The following SPATA6 variants were observed in gnomAD, a reference collection of about 807,000 sequenced individuals.
The protein encoded by SPATA6 is spermatogenesis associated 6.
SPATA6 carries 56 observed loss-of-function variants against 65.3 expected under a neutral mutation model. The observed-to-expected ratio is 0.86, with a 90% CI of 0.69 to 1.07. The LOEUF (loss-of-function observed/expected upper bound fraction) is 1.07. SPATA6 is among the 50% of genes least tolerant of loss of function. SPATA6 has a pLI of 0.00. For synonymous variants in SPATA6, 199 were observed against 213.2 expected (o/e 0.93, Z 0.58); for missense variants, 590 against 594.8 (o/e 0.99, Z 0.08).
intron 9 of SPATA6, among the ~76,000 whole-genome samples, chr1:48,364,403 T>A (rs1259535839): frequency 6.6e-6 from 1 of 152,222 alleles, no homozygotes; most frequent in East Asian, 1.9e-4. Context: ...GTTGAACTAG[T>A]TTACAGTCCC....
At chr1:48,456,401 G>A (rs1032192631) in intron 1 of SPATA6, among the ~76,000 whole-genome samples, 2 of 151,884 alleles carry the variant, frequency 1.3e-5, no homozygotes, top group Admixed American at 6.6e-5. Flanking sequence ...AGAAAGGGAG[G>A]GAGCTCTGAT....
chr1:48,437,005 C>T, intron 3 of SPATA6: 1 of 1,609,348 alleles, frequency 6.2e-7, no homozygotes, highest in Non-Finnish European at 8.5e-7. Flanking sequence ...TAGCTTGGTA[C>T]AGCTCTGTTT....
At chr1:48,417,018 C>G (rs551194342) in intron 3 of SPATA6, among the ~76,000 whole-genome samples, 2 of 152,250 alleles carry the variant, frequency 1.3e-5, no homozygotes, top group African/African-American at 4.8e-5. Context: ...TTAAAACTTT[C>G]CCTCTGAGAT....
intron 12 of SPATA6, among the ~76,000 whole-genome samples, chr1:48,302,918 C>T (rs754019620): frequency 1.3e-5 from 2 of 151,938 alleles, no homozygotes; most frequent in South Asian, 4.2e-4. Context: ...TGCTTGTTTG[C>T]CAACAAACCA....
At chr1:48,428,209 C>G (rs1654020709) in intron 3 of SPATA6, among the ~76,000 whole-genome samples, 1 of 152,158 alleles carries the variant, frequency 6.6e-6, no homozygotes, top group Non-Finnish European at 1.5e-5. Context: ...AATCCCAGCA[C>G]TTTGGGAGAC....
At chr1:48,437,802 A>ATTT (rs1655078137) in intron 3 of SPATA6, among the ~76,000 whole-genome samples, 1 of 139,530 alleles carries the variant, frequency 7.2e-6, no homozygotes, top group Non-Finnish European at 1.6e-5. Flanking sequence ...CTTTTTTTTA[A>ATTT]AAAAGGGGGC....
chr1:48,275,729 T>C, the SPATA6 span, among the ~76,000 whole-genome samples: 4 of 152,224 alleles, frequency 2.6e-5, no homozygotes, highest in Admixed American at 2.0e-4. Context: ...TCATGGCAGA[T>C]AAGCTTTTTG....
intron 9 of SPATA6, among the ~76,000 whole-genome samples, chr1:48,364,752 T>A (rs531460697): frequency 1.3e-5 from 2 of 152,342 alleles, no homozygotes; most frequent in East Asian, 3.9e-4. Flanking sequence ...GTAGGTTGCC[T>A]GTTCACTCTG....
intron 7 of SPATA6, among the ~76,000 whole-genome samples, chr1:48,395,779 T>C (rs1390367847): frequency 6.6e-6 from 1 of 151,934 alleles, no homozygotes; most frequent in African/African-American, 2.4e-5. Flanking sequence ...GAGCCCAGCA[T>C]GCTCAGTGAT....
At chr1:48,390,203 G>A (rs1054862689) in intron 8 of SPATA6, among the ~76,000 whole-genome samples, 14 of 152,200 alleles carry the variant, frequency 9.2e-5, no homozygotes, top group Admixed American at 7.8e-4. Flanking sequence ...AAAATGTTGT[G>A]TATATACACA....
intron 3 of SPATA6, among the ~76,000 whole-genome samples, chr1:48,450,910 A>T (rs1656507732): frequency 6.6e-6 from 1 of 152,176 alleles, no homozygotes; most frequent in Admixed American, 6.5e-5. Flanking sequence ...CAATCTGTTG[A>T]TCCCAGAGCC....
At chr1:48,318,352 T>C (rs1218327165) in intron 11 of SPATA6, among the ~76,000 whole-genome samples, 2 of 152,108 alleles carry the variant, frequency 1.3e-5, no homozygotes, top group Non-Finnish European at 2.9e-5. Context: ...TATTTGCAGA[T>C]AAGATGATTC....
At chr1:48,464,820 A>G (rs1199184348) in intron 1 of SPATA6, among the ~76,000 whole-genome samples, 5 of 152,160 alleles carry the variant, frequency 3.3e-5, no homozygotes, top group Non-Finnish European at 7.4e-5. Flanking sequence ...GGGTTCTGAT[A>G]ATATTCTAAT....
chr1:48,301,503 A>T (rs967036218), intron 12 of SPATA6, among the ~76,000 whole-genome samples: 7 of 150,778 alleles, frequency 4.6e-5, no homozygotes, highest in Non-Finnish European at 7.4e-5. Flanking sequence ...CAATAATAAT[A>T]AAAAAATCCT....
At chr1:48,443,797 C>CTA (rs1655745897) in intron 3 of SPATA6, among the ~76,000 whole-genome samples, 1 of 152,208 alleles carries the variant, frequency 6.6e-6, no homozygotes. Context: ...AGCCATCTTG[C>CTA]TATTACTCGC....
At chr1:48,346,522 A>G (rs1646370754) in intron 11 of SPATA6, among the ~76,000 whole-genome samples, 1 of 152,102 alleles carries the variant, frequency 6.6e-6, no homozygotes, top group South Asian at 2.1e-4. Context: ...AGGAAGTCAA[A>G]TCATCCCTGT....
chr1:48,385,336 A>G lies in SPATA6; in HGVS notation c.882T>C (p.Leu294=). 6.2e-7 allele frequency: 1 copy of G among 1,608,880 alleles called. No individual in the cohort carries two copies. The highest frequency in any genetic ancestry group is 1.7e-5 in the Admixed American group (1 of 58,742). ...WSRVHNDHSH[L]GCCRPKDYKV... is the part of the protein sequence containing the mutation. ...TATAATCCTTGGGTCGGCAGCAGCC[A>G]AGATGAGAATGATCTGAAAAAGGAA... The change falls in exon 9 of 13, where the codon CTT becomes CTC. Residue 294 remains leucine (L), a synonymous_variant. Coordinates refer to ENST00000371847, the MANE Select transcript of SPATA6 (RefSeq NM_019073.4).
At chr1:48,267,009 C>G in the SPATA6 span, among the ~76,000 whole-genome samples, 2 of 151,966 alleles carry the variant, frequency 1.3e-5, no homozygotes. Context: ...ATATTAGGAG[C>G]TATGCTAAGT....
chr1:48,296,653 T>G lies in SPATA6; in HGVS notation c.*2060A>C, dbSNP rs1644817570. The stretch of plus-strand genomic sequence containing the variant: ...ATGGAAAAACACTGAGGATATAATT[T>G]TTTTAAAAGAGCATTATTCAATGTT... On this transcript the variant is annotated 3_prime_UTR_variant, in exon 13 of 13. Coordinates refer to ENST00000371847, the MANE Select transcript of SPATA6 (RefSeq NM_019073.4). The G allele has an allele frequency of 6.6e-6, 1 of 152,210 alleles. No homozygotes were observed. Among genetic ancestry groups the G allele is most frequent in the Admixed American group, 6.5e-5 (1 of 15,278 alleles). 9.4% of individuals were successfully genotyped at this position (152,210 alleles called of 1,614,324 possible). A position where few individuals can be genotyped will look rare whatever the true frequency, so the allele number is the denominator to read the frequency against.
Sources: gnomAD v4.1 joint callset for allele counts (sites outside exome capture counted in the v4.1 genomes callset) on GRCh38, gnomAD v4.1.1 for gene constraint, MANE v1.5 for transcripts, NCBI Gene and HGNC (gene_info 2026-07-23, HGNC 2026-07-21) for gene names.